ASB3: variants seen among roughly 807,000 people sequenced by gnomAD.
The protein encoded by ASB3 is ankyrin repeat and SOCS box protein 3.
A neutral mutation model predicts 54.5 loss-of-function variants in ASB3; 41 were observed. The observed-to-expected ratio is 0.75, with a 90% CI of 0.59 to 0.98. The LOEUF (loss-of-function observed/expected upper bound fraction) is 0.98. Ranked by LOEUF, ASB3 falls within the 50% of genes least tolerant of loss-of-function variation. The pLI is 0.00. For synonymous variants in ASB3, 266 were observed against 221.2 expected, an observed-to-expected ratio of 1.20 and a Z score of -1.80; for missense variants, 733 against 620.0, an observed-to-expected ratio of 1.18 and a Z score of -1.94.
intron 3 of ASB3, among the ~76,000 whole-genome samples, chr2:53,749,805 G>A (rs1672419368): frequency 6.6e-6 from 1 of 151,996 alleles, no homozygotes; most frequent in Non-Finnish European, 1.5e-5. Context: ...TTAAAAATTG[G>A]CAGCATGATG....
At chr2:53,784,078 G>A (rs1674801349) in intron 1 of ASB3, among the ~76,000 whole-genome samples, 1 of 152,190 alleles carries the variant, frequency 6.6e-6, no homozygotes. Context: ...AAGCTAATAG[G>A]ATACCTTAAT....
chr2:53,721,123 TATAAATAAATAAATAA>T (rs35978677), intron 5 of ASB3, among the ~76,000 whole-genome samples: 79 of 141,452 alleles, frequency 5.6e-4, no homozygotes, highest in African/African-American at 1.8e-3. Flanking sequence ...TCTCCAGAAA[TATAAATAAATAAATAA>T]ATAAATAAAT....
chr2:53,749,134 A>G (rs927559511), intron 3 of ASB3, among the ~76,000 whole-genome samples: 6 of 152,136 alleles, frequency 3.9e-5, no homozygotes, highest in African/African-American at 1.2e-4. Flanking sequence ...AATTATTTCA[A>G]AACAAAACGT....
At chr2:53,753,764 G>C (rs1045644060) in intron 2 of ASB3, among the ~76,000 whole-genome samples, 1 of 151,682 alleles carries the variant, frequency 6.6e-6, no homozygotes, top group Non-Finnish European at 1.5e-5. Context: ...AGCCTCCCGA[G>C]TAGCTGGGAT....
intron 7 of ASB3, among the ~76,000 whole-genome samples, chr2:53,712,761 C>A (rs968210025): frequency 6.6e-6 from 1 of 152,142 alleles, no homozygotes; most frequent in African/African-American, 2.4e-5. Flanking sequence ...CACACACACA[C>A]ACACACAGGC....
chr2:53,785,784 G>A (rs1674938142), intron 1 of ASB3, among the ~76,000 whole-genome samples: 1 of 152,256 alleles, frequency 6.6e-6, no homozygotes, highest in South Asian at 2.1e-4. Flanking sequence ...GGAGGTTGCA[G>A]TGAGCCAAGA....
chr2:53,751,668 C>G (rs906553320), intron 2 of ASB3, among the ~76,000 whole-genome samples: 22 of 151,256 alleles, frequency 1.5e-4, no homozygotes, highest in Non-Finnish European at 3.0e-4. Flanking sequence ...ATAAACTAAA[C>G]AGAAAATAAA....
intron 3 of ASB3, among the ~76,000 whole-genome samples, chr2:53,742,295 C>T (rs1572948701): frequency 6.6e-6 from 1 of 152,110 alleles, no homozygotes; most frequent in Non-Finnish European, 1.5e-5. Context: ...TACCTCCTTC[C>T]TATTATAAAC....
chr2:53,734,179 T>C (rs1390271604), intron 3 of ASB3, among the ~76,000 whole-genome samples: 1 of 152,182 alleles, frequency 6.6e-6, no homozygotes, highest in African/African-American at 2.4e-5. Context: ...TTATGGCCAG[T>C]TTTCGGGCCA....
chr2:53,674,868 G>GT (rs554306104), intron 9 of ASB3, among the ~76,000 whole-genome samples: 188 of 152,192 alleles, frequency 1.2e-3, no homozygotes, highest in Non-Finnish European at 2.2e-3. Flanking sequence ...TGAGAACTCT[G>GT]AAAAACAAGT....
chr2:53,732,009 G>A (rs1197916866), intron 3 of ASB3, among the ~76,000 whole-genome samples: 1 of 151,898 alleles, frequency 6.6e-6, no homozygotes, highest in African/African-American at 2.4e-5. Flanking sequence ...CCAGGCTGGA[G>A]TGCAGTGGCG....
chr2:53,733,893 G>C (rs1671467964), intron 3 of ASB3, among the ~76,000 whole-genome samples: 3 of 152,176 alleles, frequency 2.0e-5, no homozygotes, highest in Admixed American at 2.0e-4. Context: ...GATAAGCATT[G>C]TTTCTACAGA....
At chr2:53,759,539 T>C (rs1240023617) in intron 2 of ASB3, among the ~76,000 whole-genome samples, 1 of 152,026 alleles carries the variant, frequency 6.6e-6, no homozygotes, top group Non-Finnish European at 1.5e-5. Context: ...CAGTTTTTTA[T>C]AATAAAGATC....
Position 53,714,509 on chromosome 2 carries a change from G to C in ASB3, c.855C>G (p.Tyr285Ter). Residue 285 changes from tyrosine to a stop codon, truncating the protein, a stop_gained, in exon 7 of 10, where the codon TAC becomes TAG. Coordinates refer to ENST00000263634, the MANE Select transcript of ASB3 (RefSeq NM_016115.5). LOFTEE classifies it high-confidence loss of function. ...CTTCATGTCCCCCAAACACTGCTGA[G>C]TAAACAGGGCTTACTTTGTTTAGCC... ...DTGLNKVSPV[Y>*]SAVFGGHEDC... 1 of 1,614,220 alleles carries C rather than the reference G, an allele frequency of 6.2e-7. No homozygotes were observed. Among genetic ancestry groups the C allele is most frequent in the Non-Finnish European group, 8.5e-7 (1 of 1,180,034 alleles).
chr2:53,744,824 A>C (rs1672139259), intron 3 of ASB3, among the ~76,000 whole-genome samples: 1 of 152,240 alleles, frequency 6.6e-6, no homozygotes. Flanking sequence ...GTCAAAGTTA[A>C]AGCATATGCT....
intron 9 of ASB3, among the ~76,000 whole-genome samples, chr2:53,692,837 T>A (rs987567470): frequency 2.0e-5 from 3 of 152,202 alleles, no homozygotes; most frequent in Non-Finnish European, 4.4e-5. Flanking sequence ...TTTTCAACAT[T>A]AAGAGTTACA....
intron 7 of ASB3, among the ~76,000 whole-genome samples, chr2:53,710,204 A>G (rs1026366293): frequency 2.0e-5 from 3 of 152,284 alleles, no homozygotes; most frequent in Non-Finnish European, 4.4e-5. Context: ...TGCACGCTCC[A>G]GCTGCCAGAC....
intron 2 of ASB3, among the ~76,000 whole-genome samples, chr2:53,754,560 T>C (rs972731267): frequency 1.3e-5 from 2 of 152,240 alleles, no homozygotes; most frequent in Non-Finnish European, 2.9e-5. Flanking sequence ...TTAAAATCAC[T>C]GGACCAGGAA....
intron 1 of ASB3, chr2:53,774,499 G>C: frequency 1.3e-6 from 2 of 1,561,978 alleles, no homozygotes; most frequent in Non-Finnish European, 1.7e-6. Flanking sequence ...ACGTTTAGAA[G>C]GGAAACAGAA....
Sources: allele counts gnomAD v4.1 joint callset (sites outside exome capture counted in the v4.1 genomes callset), GRCh38; gene constraint gnomAD v4.1.1; transcripts MANE v1.5; gene names NCBI Gene and HGNC (gene_info 2026-07-23, HGNC 2026-07-21).